The following SYNE2 variants were observed in gnomAD, a reference collection of about 807,000 sequenced individuals.
SYNE2 encodes spectrin repeat containing nuclear envelope protein 2, also known as nesprin-2.
A neutral mutation model predicts 856.3 loss-of-function variants in SYNE2; 431 were observed. The ratio of observed to expected loss-of-function variants is 0.50; its 90% CI spans 0.47 to 0.55. The LOEUF (loss-of-function observed/expected upper bound fraction) is 0.55. Ranked by LOEUF, SYNE2 falls within the 20% of genes least tolerant of loss-of-function variation. SYNE2 has a pLI of 0.00. For missense variants in SYNE2, 8,129 were observed against 8,023.2 expected (o/e 1.01, Z -0.50); for synonymous variants, 2,923 against 2,872.3 (o/e 1.02, Z -0.56).
intron 1 of SYNE2, among the ~76,000 whole-genome samples, chr14:63,818,035 A>AC (rs1356025585): frequency 4.7e-5 from 7 of 148,674 alleles, no homozygotes; most frequent in African/African-American, 1.7e-4. Flanking sequence ...AAAAAAAAAA[A>AC]AAAAAAAAAA....
At position 64,033,585 on chromosome 14, in the gene SYNE2, T is replaced by C. The variant is rs144479302; in HGVS notation, c.7221+2228T>C. On this transcript the variant is annotated intron_variant, in intron 45 of 115. Coordinates refer to ENST00000555002, the MANE Select transcript of SYNE2 (RefSeq NM_182914.3). ...CCTATAGTCCCAGCTACTTGGGAGA[T>C]TGAGGTGGGAGAATTGCTTGAGCCC... Among the ~76,000 whole-genome samples the C allele has an allele frequency of 6.7e-3, 1,013 of 150,948 alleles. 16 individuals are homozygous for C. The highest frequency in any genetic ancestry group is 0.023 in the African/African-American group (962 of 41,112).
chr14:63,928,707 T>C (rs2095705160), intron 2 of SYNE2, among the ~76,000 whole-genome samples: 1 of 152,206 alleles, frequency 6.6e-6, no homozygotes, highest in South Asian at 2.1e-4. Flanking sequence ...AGAGAAACAA[T>C]AGAAGAGGTG....
chr14:64,022,755 A>G lies in SYNE2; in HGVS notation c.5529A>G (p.Gln1843=), dbSNP rs757852900. Residue 1843 remains glutamine (Q), a synonymous_variant, in exon 38 of 116, where the codon CAA becomes CAG. Transcript: ENST00000555002. The part of the protein sequence containing the change: ...QDHFSKLLND[Q]CKNFNDWFSN... ...GCTTTTTTTTTCCCCCTGCAGATCA[A>G]TGCAAGAACTTTAATGACTGGTTCA... The G allele has an allele frequency of 1.2e-5, 19 of 1,560,042 alleles. No individual in the cohort carries two copies. Among genetic ancestry groups the G allele is most frequent in the East Asian group, 2.2e-5 (1 of 44,486 alleles).
rs1387206840 is a variant in SYNE2, at chr14:64,119,484, C to G, written c.12898C>G (p.Gln4300Glu). Reference protein sequence around the residue: ...VAFLLETCKDQGLGDNGATQH... With the variant: ...VAFLLETCKDEGLGDNGATQH... ...CTTTCTGTTAGAGACTTGCAAAGAT[C>G]AGGGCCTGGGAGATAATGGAGCCAC... Residue 4300 changes from glutamine to glutamate, a missense_variant, in exon 67 of 116, where the codon CAG (glutamine) becomes GAG (glutamate). Around this residue, in one of 3 missense-constraint regions of SYNE2, gnomAD observed 5,410 missense variants for 5,284.8 expected, o/e 1.02. Coordinates refer to ENST00000555002, the MANE Select transcript of SYNE2 (RefSeq NM_182914.3). The G allele has an allele frequency of 1.2e-6, 2 of 1,614,196 alleles. No individual in the cohort carries two copies. The highest frequency in any genetic ancestry group is 2.2e-5 in the East Asian group (1 of 44,882).
intron 60 of SYNE2, among the ~76,000 whole-genome samples, chr14:64,091,570 GT>G (rs2097615048): frequency 6.6e-6 from 1 of 152,210 alleles, no homozygotes; most frequent in Non-Finnish European, 1.5e-5. Context: ...AAGAATTTGA[GT>G]TTCTAAACTC....
chr14:64,098,540 C>G, intron 62 of SYNE2: 1 of 622,062 alleles, frequency 1.6e-6, no homozygotes, highest in East Asian at 2.8e-5. Flanking sequence ...GCACAGGGGG[C>G]CATGAAAATA....
intron 2 of SYNE2, among the ~76,000 whole-genome samples, chr14:63,939,522 AT>A (rs2095876770): frequency 6.6e-6 from 1 of 151,326 alleles, no homozygotes; most frequent in South Asian, 2.1e-4. Context: ...TAATTTTCAC[AT>A]TTTTAGTAGA....
chr14:64,115,452 C>T (rs2097846922), intron 66 of SYNE2, among the ~76,000 whole-genome samples: 1 of 152,056 alleles, frequency 6.6e-6, no homozygotes, highest in Non-Finnish European at 1.5e-5. Flanking sequence ...GATGTCTCAG[C>T]ACAGTGGAGG....
intron 65 of SYNE2, among the ~76,000 whole-genome samples, chr14:64,111,806 A>T (rs1229474892): frequency 6.6e-6 from 1 of 152,176 alleles, no homozygotes; most frequent in Non-Finnish European, 1.5e-5. Context: ...CAAGAAGAAA[A>T]AAAAAGGTCA....
chr14:64,164,014 G>A (rs2098351783), intron 89 of SYNE2, among the ~76,000 whole-genome samples: 1 of 152,176 alleles, frequency 6.6e-6, no homozygotes, highest in African/African-American at 2.4e-5. Flanking sequence ...CCACCTCCCG[G>A]GTTCAAGCGA....
At position 64,025,341 on chromosome 14, in the gene SYNE2, A is replaced by G. The variant is rs762452734; in HGVS notation, c.6172A>G (p.Lys2058Glu). ...TGCACATGATGTAATTCATTGGATA[A>G]AAGAGATTAAAGAGTCCCTTATGGT... ...DLAHDVIHWI[K>E]EIKESLMVLN... The change falls in exon 41 of 116, where the codon AAA (lysine) becomes GAA (glutamate). Residue 2058 changes from lysine (K) to glutamate (E), a missense_variant. Transcript: ENST00000555002. 6.4e-5 allele frequency: 104 copies of G among 1,613,956 alleles called. No homozygotes were observed. The Middle Eastern group carries it at 8.2e-4, about 13-fold the overall frequency.
At chr14:64,025,998 G>A (rs1024801965) in intron 41 of SYNE2, among the ~76,000 whole-genome samples, 10 of 152,016 alleles carry the variant, frequency 6.6e-5, no homozygotes, top group Non-Finnish European at 1.5e-4. Flanking sequence ...TGTTTAAAAG[G>A]AACTGTAGGA....
chr14:64,075,010 G>A (rs2097446475), intron 53 of SYNE2, among the ~76,000 whole-genome samples: 1 of 152,220 alleles, frequency 6.6e-6, no homozygotes. Context: ...TGGACTAGGT[G>A]TAGATAAAAC....
intron 96 of SYNE2, 96 bp from the exon 97 acceptor site, chr14:64,186,328 T>A (rs2098490590): frequency 6.6e-7 from 1 of 1,521,564 alleles, no homozygotes; most frequent in African/African-American, 1.4e-5. Flanking sequence ...TGGCCTCCCC[T>A]CCCCCAGAGT....
chr14:63,954,720 T>C lies in SYNE2; in HGVS notation c.592T>C (p.Tyr198His), dbSNP rs771762803. 3.1e-6 allele frequency: 5 copies of C among 1,613,968 alleles called. No homozygotes were observed. The highest frequency in any genetic ancestry group is 1.1e-5 in the South Asian group (1 of 91,072). The stretch of plus-strand genomic sequence containing the variant: ...CATGTTTTTGTCTTTTTATGATAGC[T>C]ATGAGTCTGTCAATGTGACCGATTT... The part of the protein sequence containing the change: ...LLWAQEQCAT[Y>H]ESVNVTDFKS... Residue 198 changes from tyrosine (Y) to histidine (H), a missense_variant and splice_region_variant, in exon 8 of 116, where the codon TAT becomes CAT. Tyr to His is a moderately conservative substitution (Grantham distance 83). This residue lies in a region of SYNE2 where 2,422 missense variants were observed against 2,357.4 expected (regional missense o/e 1.03). Coordinates refer to ENST00000555002, the MANE Select transcript of SYNE2 (RefSeq NM_182914.3).
chr14:63,788,501 C>T (rs1269162372), intron 1 of SYNE2, among the ~76,000 whole-genome samples: 5 of 152,112 alleles, frequency 3.3e-5, no homozygotes, highest in Non-Finnish European at 7.4e-5. Flanking sequence ...CAGGGAGGCT[C>T]GGATCTGCAG....
chr14:64,202,294 C>G (rs1353956685), intron 99 of SYNE2: 15 of 702,236 alleles, frequency 2.1e-5, no homozygotes, highest in Non-Finnish European at 3.9e-5. Flanking sequence ...TCTCTGCTTA[C>G]TCAGAGAGGA....
chr14:63,988,483 A>T (rs2096642475), intron 19 of SYNE2, among the ~76,000 whole-genome samples: 2 of 152,258 alleles, frequency 1.3e-5, no homozygotes, highest in Non-Finnish European at 2.9e-5. Context: ...AAAAACTGAA[A>T]TGATAAATGA....
At chr14:64,046,428 C>T (rs1357063218) in intron 45 of SYNE2, among the ~76,000 whole-genome samples, 2 of 152,340 alleles carry the variant, frequency 1.3e-5, no homozygotes, top group South Asian at 2.1e-4. Context: ...TCATGGCTCA[C>T]TGTAGCCTCA....
Sources: gnomAD v4.1 joint callset for allele counts (sites outside exome capture counted in the v4.1 genomes callset) on GRCh38, gnomAD v4.1.1 for gene constraint, gnomAD v4.1.1 regional missense constraint, MANE v1.5 for transcripts, NCBI Gene and HGNC (gene_info 2026-07-23, HGNC 2026-07-21) for gene names.